The following AMD1 variants were observed in gnomAD, a reference collection of about 807,000 sequenced individuals.
The protein encoded by AMD1 is adenosylmethionine decarboxylase 1.
Under a neutral mutation model 40.2 loss-of-function variants are expected in AMD1, and 11 were observed. The observed-to-expected ratio is 0.27, with a 90% CI of 0.17 to 0.45. The LOEUF (loss-of-function observed/expected upper bound fraction) is 0.45, where lower values mean the gene tolerates loss of function less well. AMD1 is among the 20% of genes least tolerant of loss of function. The pLI is 1.00. For missense variants in AMD1, 257 were observed against 410.2 expected (o/e 0.63, Z 3.23); for synonymous variants, 121 against 130.8 (o/e 0.93, Z 0.51).
chr6:110,869,059 CA>C, the AMD1 span, among the ~76,000 whole-genome samples: 297 of 125,346 alleles, frequency 2.4e-3, no homozygotes, highest in South Asian at 3.3e-3. Flanking sequence ...AACTCGTTCT[CA>C]AAAAAAAAAA....
At chr6:110,868,922 TG>T in the AMD1 span, among the ~76,000 whole-genome samples, 2 of 151,410 alleles carry the variant, frequency 1.3e-5, no homozygotes, top group Non-Finnish European at 2.9e-5. Flanking sequence ...TAGCCAGGTG[TG>T]GTGGCGTATG....
intron 4 of AMD1, among the ~76,000 whole-genome samples, chr6:110,890,564 C>T (rs527588417): frequency 1.3e-5 from 2 of 152,292 alleles, no homozygotes; most frequent in East Asian, 1.9e-4. Context: ...CAGCTCACTG[C>T]AGCCTCAACA....
the AMD1 span, among the ~76,000 whole-genome samples, chr6:110,829,877 T>G: frequency 6.6e-6 from 1 of 152,012 alleles, no homozygotes; most frequent in Non-Finnish European, 1.5e-5. Context: ...AAATTAATTT[T>G]TCTGAGAACC....
the AMD1 span, among the ~76,000 whole-genome samples, chr6:110,854,323 T>C: frequency 5.3e-5 from 8 of 152,162 alleles, no homozygotes; most frequent in African/African-American, 1.9e-4. Flanking sequence ...AGTTAAGCAA[T>C]ACACCACTTC....
the AMD1 span, chr6:110,814,919 G>C: frequency 6.4e-7 from 1 of 1,553,666 alleles, no homozygotes; most frequent in Non-Finnish European, 8.8e-7. Context: ...CCTCGGGCAC[G>C]GCCCGACTGG....
the AMD1 span, among the ~76,000 whole-genome samples, chr6:110,860,008 T>G: frequency 6.6e-6 from 1 of 152,000 alleles, no homozygotes; most frequent in Non-Finnish European, 1.5e-5. Context: ...TGTATTTTTA[T>G]TAGAGATGGG....
At chr6:110,831,211 G>A in the AMD1 span, among the ~76,000 whole-genome samples, 4 of 151,924 alleles carry the variant, frequency 2.6e-5, no homozygotes, top group African/African-American at 7.2e-5. Context: ...AGGCCAAGGC[G>A]GGCAGATCAC....
upstream of AMD1, chr6:110,874,784 C>G (rs1035710099): frequency 2.8e-5 from 7 of 252,494 alleles, 1 homozygote; most frequent in South Asian, 1.1e-4. Flanking sequence ...GCAGCGCTCT[C>G]GCTTACACAG....
intron 2 of AMD1, 192 bp from the exon 3 acceptor site, chr6:110,888,665 T>C (rs1785839715): frequency 2.9e-5 from 13 of 449,606 alleles, no homozygotes; most frequent in Non-Finnish European, 3.9e-5. Flanking sequence ...TTTATCAAAA[T>C]GCTTACCATG....
the AMD1 span, among the ~76,000 whole-genome samples, chr6:110,862,105 C>T: frequency 2.7e-5 from 4 of 149,400 alleles, no homozygotes; most frequent in Non-Finnish European, 4.5e-5. Context: ...CTGCAACCTC[C>T]ACCTCCCAGG....
chr6:110,841,870 T>C, the AMD1 span, among the ~76,000 whole-genome samples: 3 of 152,264 alleles, frequency 2.0e-5, no homozygotes, highest in East Asian at 5.8e-4. Context: ...TGGCATGATC[T>C]CAACTCATTG....
chr6:110,858,249 C>T, the AMD1 span: 132 of 942,846 alleles, frequency 1.4e-4, 2 homozygotes, highest in South Asian at 1.1e-3. Flanking sequence ...ATGAGCTCCA[C>T]GCAGTTCAAC....
rs1200384600 is a variant in AMD1 at position 110,874,978 on chromosome 6, A to C, written c.-128A>C. ...AAAAGTTAATATAAAATTATAGCAAAAAAAAAAAGGAACCTGAACTTTAGT... is the reference window on the plus strand; with the variant it reads ...AAAAGTTAATATAAAATTATAGCAACAAAAAAAAGGAACCTGAACTTTAGT... On this transcript the variant is annotated 5_prime_UTR_variant, in exon 1 of 9. Transcript: ENST00000368885. 2 of 669,166 alleles carry C rather than the reference A, an allele frequency of 3.0e-6. No individual in the cohort carries two copies. The highest frequency in any genetic ancestry group is 3.7e-5 in the African/African-American group (2 of 54,362). 41.5% of individuals were successfully genotyped at this position (669,166 alleles called of 1,614,324 possible).
the AMD1 span, among the ~76,000 whole-genome samples, chr6:110,849,127 T>C: frequency 6.6e-6 from 1 of 152,208 alleles, no homozygotes; most frequent in South Asian, 2.1e-4. Flanking sequence ...ATACAGACAA[T>C]GACTTTTTGT....
chr6:110,881,870 T>C (rs1380045397), intron 1 of AMD1, among the ~76,000 whole-genome samples: 3 of 152,118 alleles, frequency 2.0e-5, no homozygotes, highest in African/African-American at 7.2e-5. Context: ...TAATAATTTC[T>C]AATGACTAGA....
At chr6:110,886,411 T>TGCCTCA (rs947745602) in intron 1 of AMD1, among the ~76,000 whole-genome samples, 16 of 152,164 alleles carry the variant, frequency 1.1e-4, no homozygotes, top group African/African-American at 3.6e-4. Context: ...GCGATTCTCC[T>TGCCTCA]GCCTCAGCCT....
chr6:110,815,379 C>G, the AMD1 span: 1 of 379,374 alleles, frequency 2.6e-6, no homozygotes, highest in East Asian at 4.4e-5. Context: ...CTCCCGCAGG[C>G]ACCCCCAGTC....
At chr6:110,817,072 A>G in the AMD1 span, among the ~76,000 whole-genome samples, 1 of 152,208 alleles carries the variant, frequency 6.6e-6, no homozygotes, top group African/African-American at 2.4e-5. Flanking sequence ...CTCCCCTGTA[A>G]TGGTGAGCCT....
At chr6:110,884,489 A>G (rs1010941001) in intron 1 of AMD1, among the ~76,000 whole-genome samples, 3 of 152,180 alleles carry the variant, frequency 2.0e-5, no homozygotes, top group African/African-American at 4.8e-5. Flanking sequence ...GCTGGAGTGT[A>G]GCGGTGTGAT....
Sources: gnomAD v4.1 joint callset for allele counts (sites outside exome capture counted in the v4.1 genomes callset) on GRCh38, gnomAD v4.1.1 for gene constraint, MANE v1.5 for transcripts, NCBI Gene and HGNC (gene_info 2026-07-23, HGNC 2026-07-21) for gene names.